Variants in SLC36A4 observed in about 807,000 individuals in gnomAD.
SLC36A4 encodes the protein solute carrier family 36 member 4, also known as neutral amino acid uniporter 4.
In SLC36A4, 49 loss-of-function variants were observed where a neutral mutation model predicts 50.5. That is an observed-to-expected ratio of 0.97 (90% CI 0.77 to 1.23). The LOEUF is 1.23. Ranked by LOEUF, SLC36A4 falls within the 50% of genes most tolerant of loss-of-function variation. SLC36A4 has a pLI of 0.00. For synonymous variants in SLC36A4, 207 were observed against 206.5 expected, an observed-to-expected ratio of 1.00 and a Z score of -0.02; for missense variants, 611 against 608.4, an observed-to-expected ratio of 1.00 and a Z score of -0.05.
intron 2 of SLC36A4, 78 bp downstream of exon 2, chr11:93,185,613 A>G: frequency 7.6e-7 from 1 of 1,308,772 alleles, no homozygotes. Flanking sequence ...ATGTAATAGA[A>G]TGTCTTGCCT....
rs1040671721 is a variant in SLC36A4 at position 93,160,742 on chromosome 11, G to T, written c.1037+1964C>A. ...TGCTTTTGTAAATAAGACCGGGAAA[G>T]AATTTTGACATTATTTCCATGTACC... On this transcript the variant is annotated intron_variant, in intron 9 of 10. Coordinates refer to ENST00000326402, the MANE Select transcript of SLC36A4 (RefSeq NM_152313.4). 8.2e-6 allele frequency: 8 copies of T among 980,668 alleles called. No homozygotes were observed. In the African/African-American group the frequency reaches 1.2e-4, roughly 15 times the overall value. 60.7% of individuals were successfully genotyped at this position (980,668 alleles called of 1,614,324 possible). A position where few individuals can be genotyped will look rare whatever the true frequency, so the allele number is the denominator to read the frequency against.
rs1259441301 is a variant in SLC36A4 at position 93,157,532 on chromosome 11, T to C, written c.1038-3255A>G. Among the ~76,000 whole-genome samples the C allele has an allele frequency of 2.0e-5, 3 of 152,216 alleles. 1 individual carries two copies. The South Asian group carries it at 6.2e-4, about 32-fold the overall frequency. On this transcript the variant is annotated intron_variant, in intron 9 of 10. Coordinates refer to ENST00000326402, the MANE Select transcript of SLC36A4 (RefSeq NM_152313.4). ...TCTCTGATTTCTCTGAGCAGTGTTT[T>C]GTAATTCTTGTTGTAGAGATCTTTC...
At chr11:93,168,286 G>A (rs1393141922) in intron 6 of SLC36A4, 115 bp from the exon 7 acceptor site, 1 of 484,018 alleles carries the variant, frequency 2.1e-6, no homozygotes, top group Admixed American at 4.2e-5. Context: ...AAATTCCTAT[G>A]ATATATTTTA....
At position 93,146,307 on chromosome 11, in the gene SLC36A4, G is replaced by C. The variant is rs1018704318; in HGVS notation, c.*2230C>G. ...TGAAAACAGGTGACAAAAATCTAAT[G>C]CTGCTTCCTATTAAATAATAATTTT... On this transcript the variant is annotated 3_prime_UTR_variant, in exon 11 of 11. Transcript: ENST00000326402. The C allele has an allele frequency of 6.6e-6, 1 of 151,870 alleles. No homozygotes were observed. Among genetic ancestry groups the C allele is most frequent in the African/African-American group, 2.4e-5 (1 of 41,410 alleles). 9.4% of individuals were successfully genotyped at this position (151,870 alleles called of 1,614,324 possible).
At chr11:93,170,593 C>T (rs1267996310) in intron 6 of SLC36A4, among the ~76,000 whole-genome samples, 1 of 152,074 alleles carries the variant, frequency 6.6e-6, no homozygotes, top group Non-Finnish European at 1.5e-5. Flanking sequence ...GAGATTTGAA[C>T]TCCTATCTTC....
At position 93,146,230 on chromosome 11, in the gene SLC36A4, A is replaced by G. The variant is rs1437076796; in HGVS notation, c.*2307T>C. 1 of 152,004 alleles carries G rather than the reference A, an allele frequency of 6.6e-6. No individual in the cohort carries two copies. The highest frequency in any genetic ancestry group is 1.9e-4 in the East Asian group (1 of 5,160). 9.4% of individuals were successfully genotyped at this position (152,004 alleles called of 1,614,324 possible). A position where few individuals can be genotyped will look rare whatever the true frequency, so the allele number is the denominator to read the frequency against. On this transcript the variant is annotated 3_prime_UTR_variant, in exon 11 of 11. Transcript: ENST00000326402. ...GATGAATTCCTTAAGGAAAATAAAC[A>G]ATGGGCCAAAGTGTAAAAATTAAAT... is the stretch of plus-strand genomic sequence containing the variant.
At chr11:93,190,435 C>T (rs947337893) in intron 1 of SLC36A4, among the ~76,000 whole-genome samples, 1 of 152,046 alleles carries the variant, frequency 6.6e-6, no homozygotes, top group Admixed American at 6.6e-5. Flanking sequence ...CCCAATTATC[C>T]TGATTTGATC....
In SLC36A4 at chr11:93,189,470, T is replaced by A. The variant is rs116167254; in HGVS notation, c.56-3656A>T. On this transcript the variant is annotated intron_variant, in intron 1 of 10. Transcript: ENST00000326402. Reference sequence around the variant, plus strand: ...ATTGAGGGGTGGGGGGACTATTTAATCCATAACAACCATCATTATTAGTTG... The same window carrying A: ...ATTGAGGGGTGGGGGGACTATTTAAACCATAACAACCATCATTATTAGTTG... Among the ~76,000 whole-genome samples the A allele has an allele frequency of 6.6e-3, 1,008 of 152,300 alleles. 12 individuals are homozygous for A. The highest frequency in any genetic ancestry group is 0.023 in the African/African-American group (957 of 41,554).
chr11:93,148,670 A>ATATATATGTAC lies in SLC36A4; in HGVS notation c.1381_1382insGTACATATATA (p.Val461GlyfsTer10). ...ATATGTACCTAATAAGAAGCCAACA[A>ATATATATGTAC]CTCCAGTGAATGCTATAGAAATATT... On this transcript the variant is annotated frameshift_variant, in exon 11 of 11. Coordinates refer to ENST00000326402, the MANE Select transcript of SLC36A4 (RefSeq NM_152313.4). LOFTEE classifies it high-confidence loss of function. The ATATATATGTAC allele has an allele frequency of 6.2e-7, 1 of 1,612,824 alleles. No individual in the cohort carries two copies. Among genetic ancestry groups the ATATATATGTAC allele is most frequent in the Non-Finnish European group, 8.5e-7 (1 of 1,179,320 alleles).
chr11:93,148,761 G>T lies in SLC36A4; in HGVS notation c.1291C>A (p.Leu431Met), dbSNP rs754732855. The T allele has an allele frequency of 6.2e-7, 1 of 1,612,960 alleles. No individual in the cohort carries two copies. Among genetic ancestry groups the T allele is most frequent in the Admixed American group, 1.7e-5 (1 of 59,830 alleles). ...AVSSSTLALI[L>M]PPLVEILTFS... ...GTAAGAATTTCAACCAAAGGTGGCA[G>T]GATTAGGGCCAATGTGCTGCTGCTC... The change falls in exon 11 of 11, where the codon CTG becomes ATG. Residue 431 changes from leucine (L) to methionine (M), a missense_variant. Transcript: ENST00000326402.
intron 1 of SLC36A4, among the ~76,000 whole-genome samples, chr11:93,190,284 A>G (rs1035847860): frequency 2.0e-5 from 3 of 152,178 alleles, no homozygotes; most frequent in Non-Finnish European, 4.4e-5. Flanking sequence ...GGTAGGAGGA[A>G]TAAGATCTAA....
At chr11:93,173,799 G>T (rs1383574158) in intron 6 of SLC36A4, among the ~76,000 whole-genome samples, 5 of 112,400 alleles carry the variant, frequency 4.4e-5, no homozygotes, top group Middle Eastern at 3.8e-3. Context: ...CTGTTCCATT[G>T]ATCTATATCT....
rs1336861988 is a variant in SLC36A4, at chr11:93,154,248, G to A, written c.1067C>T (p.Ser356Phe). 1 of 1,458,460 alleles carries A rather than the reference G, an allele frequency of 6.9e-7. No homozygotes were observed. The highest frequency in any genetic ancestry group is 1.4e-5 in the African/African-American group (1 of 69,438). The allele number at this position is 1,458,460 out of a possible 1,614,324, so 90.3% of individuals were successfully genotyped here. The change falls in exon 10 of 11, where the codon TCC becomes TTC. Residue 356 changes from serine to phenylalanine, a missense_variant. Transcript: ENST00000326402. ...WLYQSVKILY[S>F]FGIFVTYSIQ... ...TGAATATGTCACAAAAATGCCAAAG[G>A]AATATAGAATTTTCACTGATTGATA...
intron 8 of SLC36A4, among the ~76,000 whole-genome samples, chr11:93,164,197 TACTAACC>T (rs1398111885): frequency 1.3e-5 from 2 of 152,204 alleles, no homozygotes; most frequent in African/African-American, 4.8e-5. Flanking sequence ...TATGCATGTA[TACTAACC>T]CATGTATACT....
intron 6 of SLC36A4, among the ~76,000 whole-genome samples, chr11:93,174,193 T>C (rs1305634619): frequency 1.4e-5 from 2 of 147,862 alleles, no homozygotes; most frequent in Admixed American, 1.4e-4. Flanking sequence ...CTAGGTATTT[T>C]ATTCTCTTGG....
chr11:93,176,531 T>G (rs1861480504), intron 6 of SLC36A4, among the ~76,000 whole-genome samples: 1 of 151,886 alleles, frequency 6.6e-6, no homozygotes, highest in African/African-American at 2.4e-5. Flanking sequence ...TTGATGCAGT[T>G]TCTTCCTAGT....
chr11:93,165,888 A>T lies in SLC36A4; in HGVS notation c.867+30T>A, dbSNP rs755343817. On this transcript the variant is annotated intron_variant, in intron 8 of 10. Coordinates refer to ENST00000326402, the MANE Select transcript of SLC36A4 (RefSeq NM_152313.4). ...AATCATTGTGCTGAATTAAGATTTT[A>T]AAAAATAATAATAAAGACTAAATTC... is the stretch of plus-strand genomic sequence containing the variant. 1.3e-5 allele frequency: 18 copies of T among 1,381,746 alleles called. No homozygotes were observed. In the Admixed American group the frequency reaches 3.4e-4, roughly 26 times the overall value. 85.6% of individuals were successfully genotyped at this position (1,381,746 alleles called of 1,614,324 possible).
At chr11:93,156,717 A>G (rs1399113392) in intron 9 of SLC36A4, among the ~76,000 whole-genome samples, 2 of 152,016 alleles carry the variant, frequency 1.3e-5, no homozygotes, top group African/African-American at 4.8e-5. Flanking sequence ...CTTTTCTTAT[A>G]AATTTCTTGA....
intron 8 of SLC36A4, among the ~76,000 whole-genome samples, chr11:93,163,805 T>C (rs923462112): frequency 1.3e-5 from 2 of 152,066 alleles, no homozygotes; most frequent in Non-Finnish European, 2.9e-5. Flanking sequence ...TATGTATGTA[T>C]ATTAGCATGA....
Sources: allele counts gnomAD v4.1 joint callset (sites outside exome capture counted in the v4.1 genomes callset), GRCh38; gene constraint gnomAD v4.1.1; transcripts MANE v1.5; gene names NCBI Gene and HGNC (gene_info 2026-07-23, HGNC 2026-07-21).